Variants in WWOX observed in about 807,000 individuals in gnomAD.
The protein encoded by WWOX is WW domain-containing oxidoreductase.
In WWOX, 69 loss-of-function variants were observed where a neutral mutation model predicts 46.2. The observed-to-expected ratio is 1.49, with a 90% CI of 1.23 to 1.82. The LOEUF (loss-of-function observed/expected upper bound fraction) is 1.82, where lower values mean the gene tolerates loss of function less well. Among genes scored for constraint, WWOX ranks in the 40% most tolerant of loss-of-function variants. The probability of loss-of-function intolerance (pLI) is 0.00; values close to 1 mark genes in which losing one functional copy is unlikely to be tolerated. For synonymous variants in WWOX, 359 were observed against 202.6 expected (o/e 1.77, Z -6.56); for missense variants, 919 against 542.6 (o/e 1.69, Z -6.89).
intron 8 of WWOX, among the ~76,000 whole-genome samples, chr16:78,769,619 G>C (rs996841478): frequency 1.3e-5 from 2 of 148,208 alleles, no homozygotes; most frequent in African/African-American, 5.0e-5. Flanking sequence ...TCAGGATCCA[G>C]TTAGGAGACA....
intron 8 of WWOX, among the ~76,000 whole-genome samples, chr16:78,691,955 G>C (rs532980006): frequency 6.6e-6 from 1 of 152,202 alleles, no homozygotes; most frequent in African/African-American, 2.4e-5. Flanking sequence ...AGTCTCATGA[G>C]ATCTGATGGG....
At chr16:78,362,814 A>G (rs2081439756) in intron 5 of WWOX, among the ~76,000 whole-genome samples, 1 of 152,170 alleles carries the variant, frequency 6.6e-6, no homozygotes, top group African/African-American at 2.4e-5. Context: ...TAATCATCTC[A>G]CAATCTTATG....
intron 5 of WWOX, among the ~76,000 whole-genome samples, chr16:78,314,689 T>G (rs866145820): frequency 0.02 from 1,064 of 52,978 alleles, 43 homozygotes; most frequent in African/African-American, 0.12. Flanking sequence ...CCTGCAGGGG[T>G]TTTTTTTTTT....
At chr16:79,103,179 C>G (rs917048134) in intron 8 of WWOX, among the ~76,000 whole-genome samples, 1 of 152,214 alleles carries the variant, frequency 6.6e-6, no homozygotes, top group African/African-American at 2.4e-5. Context: ...CTGCCTCTCC[C>G]TAGCCATTAG....
intron 5 of WWOX, among the ~76,000 whole-genome samples, chr16:78,267,558 G>A (rs2151843121): frequency 6.6e-6 from 1 of 152,298 alleles, no homozygotes; most frequent in Non-Finnish European, 1.5e-5. Flanking sequence ...GTCAGCCCAG[G>A]ACTCGAGGGG....
intron 6 of WWOX, among the ~76,000 whole-genome samples, chr16:78,411,352 G>C (rs993431922): frequency 6.6e-6 from 1 of 152,070 alleles, no homozygotes; most frequent in African/African-American, 2.4e-5. Flanking sequence ...ATTTTAAAGA[G>C]GGCTAATCAA....
At chr16:79,126,575 A>G (rs1357252723) in intron 8 of WWOX, among the ~76,000 whole-genome samples, 1 of 152,098 alleles carries the variant, frequency 6.6e-6, no homozygotes, top group Non-Finnish European at 1.5e-5. Context: ...AAGTTTCCTG[A>G]GGCCTCCCCA....
intron 5 of WWOX, among the ~76,000 whole-genome samples, chr16:78,200,616 C>T (rs1400110103): frequency 1.3e-5 from 2 of 150,908 alleles, no homozygotes; most frequent in African/African-American, 4.9e-5. Flanking sequence ...AATCCACATA[C>T]TGGCAGATCT....
chr16:78,775,153 C>A (rs1256749947), intron 8 of WWOX, among the ~76,000 whole-genome samples: 1 of 152,114 alleles, frequency 6.6e-6, no homozygotes, highest in Non-Finnish European at 1.5e-5. Context: ...TCCTGAAATA[C>A]CTCAATTCCT....
At chr16:78,330,690 C>T (rs998243501) in intron 5 of WWOX, among the ~76,000 whole-genome samples, 3 of 152,156 alleles carry the variant, frequency 2.0e-5, no homozygotes, top group African/African-American at 4.8e-5. Context: ...CCACCGTGCC[C>T]GGCAGGGAGT....
chr16:78,661,183 T>A (rs1210402748), intron 8 of WWOX, among the ~76,000 whole-genome samples: 3 of 152,182 alleles, frequency 2.0e-5, no homozygotes, highest in Non-Finnish European at 4.4e-5. Flanking sequence ...CTAGAATGGT[T>A]AAACCAATTT....
intron 4 of WWOX, among the ~76,000 whole-genome samples, chr16:78,133,808 T>G (rs768639429): frequency 7.9e-5 from 12 of 152,196 alleles, no homozygotes; most frequent in Admixed American, 2.6e-4. Context: ...AGTAGAATCC[T>G]GGGGAAGCTA....
intron 8 of WWOX, among the ~76,000 whole-genome samples, chr16:78,888,588 G>A (rs2044518256): frequency 6.6e-6 from 1 of 152,144 alleles, no homozygotes; most frequent in African/African-American, 2.4e-5. Flanking sequence ...GATGGAGACA[G>A]CTGTCATTCT....
chr16:78,625,667 G>GTAA (rs902116172), intron 8 of WWOX, among the ~76,000 whole-genome samples: 1 of 151,522 alleles, frequency 6.6e-6, no homozygotes, highest in Non-Finnish European at 1.5e-5. Context: ...AAAAGTAATA[G>GTAA]TAATAATAAT....
chr16:78,566,440 C>A (rs758414707), intron 8 of WWOX, among the ~76,000 whole-genome samples: 1 of 152,152 alleles, frequency 6.6e-6, no homozygotes, highest in Non-Finnish European at 1.5e-5. Flanking sequence ...CTGCCAAAAA[C>A]CAAGTTTTGC....
intron 5 of WWOX, among the ~76,000 whole-genome samples, chr16:78,233,449 C>T (rs552381117): frequency 1.3e-5 from 2 of 152,118 alleles, no homozygotes; most frequent in Admixed American, 6.6e-5. Flanking sequence ...TTCAGCCTCC[C>T]TGGGTGTATT....
intron 8 of WWOX, among the ~76,000 whole-genome samples, chr16:79,105,787 C>G (rs1391571178): frequency 1.3e-5 from 2 of 152,128 alleles, no homozygotes; most frequent in African/African-American, 4.8e-5. Flanking sequence ...CTCATCCTCC[C>G]AAATACCTGA....
chr16:78,417,716 G>T (rs1296816369), intron 6 of WWOX, among the ~76,000 whole-genome samples: 16 of 152,106 alleles, frequency 1.1e-4, no homozygotes, highest in Non-Finnish European at 2.9e-5. Flanking sequence ...ATTTGAAGCA[G>T]AGTCTAATGA....
chr16:78,776,468 T>A (rs891355928), intron 8 of WWOX, among the ~76,000 whole-genome samples: 2 of 152,158 alleles, frequency 1.3e-5, no homozygotes, highest in African/African-American at 4.8e-5. Context: ...ATTATGAGAA[T>A]TAAATATGAC....
Sources: allele counts gnomAD v4.1 joint callset (sites outside exome capture counted in the v4.1 genomes callset), GRCh38; gene constraint gnomAD v4.1.1; transcripts MANE v1.5; gene names NCBI Gene and HGNC (gene_info 2026-07-23, HGNC 2026-07-21).